Variants in ABCA13 observed in about 807,000 individuals in gnomAD.
The protein encoded by ABCA13 is ATP binding cassette subfamily A member 13, also known as ATP-binding cassette sub-family A member 13.
Under a neutral mutation model 478.7 loss-of-function variants are expected in ABCA13, and 476 were observed. The observed-to-expected ratio is 0.99, with a 90% confidence interval of 0.92 to 1.07. The LOEUF (loss-of-function observed/expected upper bound fraction) is 1.07. Among genes scored for constraint, ABCA13 ranks in the 50% least tolerant of loss-of-function variants. The pLI, the probability that ABCA13 is intolerant of heterozygous loss-of-function variation, is 0.00. For synonymous variants in ABCA13, 2,252 were observed against 2,158.9 expected (o/e 1.04, Z -1.20); for missense variants, 6,060 against 5,910.6 (o/e 1.03, Z -0.83).
At chr7:48,359,104 C>T (rs1810413678) in intron 31 of ABCA13, among the ~76,000 whole-genome samples, 1 of 151,976 alleles carries the variant, frequency 6.6e-6, no homozygotes, top group African/African-American at 2.4e-5. Flanking sequence ...GGGGTATTAA[C>T]TGCTGTCTGC....
At position 48,300,154 on chromosome 7, in the gene ABCA13, T is replaced by TTTTCTTATC. The variant is rs1799955212; in HGVS notation, c.9321+1674_9321+1682dup. Among the ~76,000 whole-genome samples, 3 of 152,306 alleles carry TTTTCTTATC rather than the reference T, an allele frequency of 2.0e-5. No homozygotes were observed. The South Asian group carries it at 6.2e-4, about 32-fold the overall frequency. On this transcript the variant is annotated intron_variant, in intron 23 of 61. Transcript: ENST00000435803. Reference sequence around the variant, plus strand: ...CAGCACCATATTATTTCTAGTATCCTTTTCTTATCTTTCTTCCTGGGTTTC... The same window carrying TTTTCTTATC: ...CAGCACCATATTATTTCTAGTATCCTTTTCTTATCTTTCTTATCTTTCTTCCTGGGTTTC...
chr7:48,376,874 C>T (rs1286632903), intron 35 of ABCA13, among the ~76,000 whole-genome samples: 2 of 152,042 alleles, frequency 1.3e-5, no homozygotes, highest in African/African-American at 4.8e-5. Flanking sequence ...ATCCTGGTTT[C>T]TCAGAGAGTG....
intron 59 of ABCA13, among the ~76,000 whole-genome samples, chr7:48,621,244 T>A (rs1238703261): frequency 6.6e-6 from 1 of 152,214 alleles, no homozygotes; most frequent in East Asian, 1.9e-4. Flanking sequence ...ATAGCAATAA[T>A]CTTTTCCTCT....
intron 29 of ABCA13, among the ~76,000 whole-genome samples, chr7:48,349,611 C>G (rs1010080354): frequency 5.3e-5 from 8 of 152,178 alleles, no homozygotes; most frequent in African/African-American, 1.9e-4. Context: ...CAGACTTAAT[C>G]CAGAAACCTT....
At chr7:48,206,571 C>G (rs1784949675) in intron 3 of ABCA13, among the ~76,000 whole-genome samples, 1 of 151,658 alleles carries the variant, frequency 6.6e-6, no homozygotes, top group East Asian at 1.9e-4. Context: ...TAAGGATGAC[C>G]CAGGATGTTC....
intron 59 of ABCA13, among the ~76,000 whole-genome samples, chr7:48,640,874 T>C (rs765666272): frequency 6.6e-6 from 1 of 152,220 alleles, no homozygotes; most frequent in Admixed American, 6.5e-5. Context: ...TTAACTGTTC[T>C]AGAGAGATCC....
intron 37 of ABCA13, among the ~76,000 whole-genome samples, chr7:48,390,596 A>G (rs1815902186): frequency 6.6e-6 from 1 of 152,224 alleles, no homozygotes; most frequent in Non-Finnish European, 1.5e-5. Flanking sequence ...TGCTGCTCCA[A>G]GGTTTCCTGT....
chr7:48,626,971 A>G, intron 59 of ABCA13: 1 of 985,442 alleles, frequency 1.0e-6, no homozygotes, highest in Non-Finnish European at 1.2e-6. Context: ...AGACGGAGGA[A>G]TAAGTAGCTG....
chr7:48,577,737 A>T (rs748181083), intron 55 of ABCA13, among the ~76,000 whole-genome samples: 8 of 152,162 alleles, frequency 5.3e-5, no homozygotes, highest in Non-Finnish European at 1.0e-4. Flanking sequence ...TGAGGCCAGC[A>T]TTATCATAAT....
chr7:48,507,353 A>G (rs758226175), intron 49 of ABCA13, among the ~76,000 whole-genome samples: 7 of 152,344 alleles, frequency 4.6e-5, no homozygotes, highest in Middle Eastern at 3.4e-3. Flanking sequence ...TGTTCCAGGT[A>G]AAACAATTAC....
rs761196588 is a variant in ABCA13 at position 48,350,635 on chromosome 7, T to G, written c.10205-8T>G. ...GTTGATGTGTCCTAATCTGTTCACT[T>G]TCCTCAGGAGGGCTGCTGGATGAGA... On this transcript the variant is annotated splice_polypyrimidine_tract_variant and splice_region_variant and intron_variant, in intron 29 of 61. Transcript: ENST00000435803. 6.2e-7 allele frequency: 1 copy of G among 1,609,824 alleles called. No homozygotes were observed. The highest frequency in any genetic ancestry group is 8.5e-7 in the Non-Finnish European group (1 of 1,177,472).
At chr7:48,644,949 A>T (rs758406781) in intron 61 of ABCA13, among the ~76,000 whole-genome samples, 195 bp downstream of exon 61, 7 of 152,094 alleles carry the variant, frequency 4.6e-5, no homozygotes, top group Admixed American at 2.6e-4. Flanking sequence ...CTTAAGATAG[A>T]TATTCAGTAG....
intron 58 of ABCA13, among the ~76,000 whole-genome samples, chr7:48,597,592 C>T (rs976871392): frequency 6.6e-6 from 1 of 152,176 alleles, no homozygotes; most frequent in Non-Finnish European, 1.5e-5. Context: ...GATGAGTCTC[C>T]TTTATTCCAC....
At chr7:48,439,339 C>T (rs532771343) in intron 42 of ABCA13, among the ~76,000 whole-genome samples, 71 of 152,106 alleles carry the variant, frequency 4.7e-4, no homozygotes, top group Non-Finnish European at 7.9e-4. Flanking sequence ...AGAAGTCACC[C>T]TCAGGTCTTA....
At chr7:48,640,086 T>C (rs1794996410) in intron 59 of ABCA13, among the ~76,000 whole-genome samples, 1 of 152,232 alleles carries the variant, frequency 6.6e-6, no homozygotes, top group African/African-American at 2.4e-5. Flanking sequence ...ATTAATGTAA[T>C]ACTGAGTCTA....
chr7:48,580,605 C>T (rs908345923), intron 56 of ABCA13, among the ~76,000 whole-genome samples: 1 of 152,158 alleles, frequency 6.6e-6, no homozygotes, highest in Admixed American at 6.5e-5. Flanking sequence ...GTCATGTGGT[C>T]GGAGTTAAAG....
intron 41 of ABCA13, among the ~76,000 whole-genome samples, chr7:48,422,700 C>T (rs571470892): frequency 2.0e-5 from 3 of 152,288 alleles, no homozygotes; most frequent in African/African-American, 7.2e-5. Flanking sequence ...GGATAATGGT[C>T]CCCCAGCGAC....
intron 14 of ABCA13, 57 bp downstream of exon 14, chr7:48,248,501 A>G (rs1490363171): frequency 3.7e-6 from 5 of 1,354,890 alleles, no homozygotes; most frequent in Middle Eastern, 1.9e-4. Context: ...AATGATTTCA[A>G]CTGCCCCTTC....
intron 1 of ABCA13, among the ~76,000 whole-genome samples, chr7:48,185,650 CAAACTTTAGTCAA>C (rs1368531863): frequency 6.6e-6 from 1 of 152,078 alleles, no homozygotes; most frequent in Non-Finnish European, 1.5e-5. Context: ...AATAATTGCA[CAAACTTTAGTCAA>C]AAATTTCCCC....
Sources: allele counts gnomAD v4.1 joint callset (sites outside exome capture counted in the v4.1 genomes callset), GRCh38; gene constraint gnomAD v4.1.1; transcripts MANE v1.5; gene names NCBI Gene and HGNC (gene_info 2026-07-23, HGNC 2026-07-21).